Variants in SLC25A48 observed in about 807,000 individuals in gnomAD.
SLC25A48 encodes the protein solute carrier family 25 member 48, also known as CTC-321K16.1.
A neutral mutation model predicts 32.2 loss-of-function variants in SLC25A48; 29 were observed. The observed-to-expected ratio is 0.90, with a 90% CI of 0.67 to 1.23. The LOEUF (loss-of-function observed/expected upper bound fraction) is 1.23. Ranked by LOEUF, SLC25A48 falls within the 50% of genes most tolerant of loss-of-function variation. SLC25A48 has a pLI of 0.00. For synonymous variants in SLC25A48, 164 were observed against 172.3 expected, an observed-to-expected ratio of 0.95 and a Z score of 0.38; for missense variants, 399 against 422.7, an observed-to-expected ratio of 0.94 and a Z score of 0.49.
chr5:135,724,129 C>T (rs578086481), intron 3 of SLC25A48, among the ~76,000 whole-genome samples: 2 of 152,342 alleles, frequency 1.3e-5, no homozygotes, highest in East Asian at 1.9e-4. Flanking sequence ...TCAATTTGTT[C>T]TCCATTATCA....
upstream of SLC25A48, among the ~76,000 whole-genome samples, chr5:135,834,272 T>C (rs1303172239): frequency 6.6e-6 from 1 of 152,164 alleles, no homozygotes. Flanking sequence ...AGCTGAAAGT[T>C]AGACATGACC....
chr5:135,744,411 C>T (rs1755587826), intron 3 of SLC25A48, among the ~76,000 whole-genome samples: 1 of 148,954 alleles, frequency 6.7e-6, no homozygotes, highest in Non-Finnish European at 1.5e-5. Context: ...GGGGCAGTGG[C>T]ATGATCTCAG....
rs753558531 is a variant in SLC25A48, at chr5:135,733,884, G to A, written c.-520-78639G>A. Among the ~76,000 whole-genome samples the A allele has an allele frequency of 5.4e-4, 82 of 152,202 alleles. No individual in the cohort carries two copies. The Middle Eastern group carries it at 0.01, about 19-fold the overall frequency. On this transcript the variant is annotated intron_variant, in intron 3 of 10. Coordinates refer to the SLC25A48 transcript ENST00000646290. ...TAGGACAGAATGGGTTGTGGAGGGA[G>A]GTATTGAGGATAGAGGAGAGTATAT...
intron 3 of SLC25A48, among the ~76,000 whole-genome samples, chr5:135,683,197 A>G (rs1014788067): frequency 1.4e-4 from 21 of 152,340 alleles, no homozygotes; most frequent in Non-Finnish European, 2.6e-4. Context: ...TATTGGTTTA[A>G]TCAGTATTGA....
intron 5 of SLC25A48, 93 bp downstream of exon 5, chr5:135,871,811 G>A (rs1213558015): frequency 1.3e-6 from 2 of 1,571,820 alleles, no homozygotes; most frequent in Non-Finnish European, 1.7e-6. Flanking sequence ...CCCAGGGGGA[G>A]GGCAGGACAC....
chr5:135,755,243 A>AT, intron 3 of SLC25A48, among the ~76,000 whole-genome samples: 1 of 152,222 alleles, frequency 6.6e-6, no homozygotes, highest in Middle Eastern at 3.4e-3. Context: ...TATCACTCTG[A>AT]TACTTATAAT....
intron 3 of SLC25A48, among the ~76,000 whole-genome samples, chr5:135,705,832 TGTCCTGCTCCTGAGGG>T: frequency 6.6e-6 from 1 of 152,168 alleles, no homozygotes; most frequent in Non-Finnish European, 1.5e-5. Flanking sequence ...GTATCGGGGA[TGTCCTGCTCCTGAGGG>T]GTGGCTGGTC....
At chr5:135,850,644 C>G in intron 3 of SLC25A48, 148 bp downstream of exon 3, 1 of 693,932 alleles carries the variant, frequency 1.4e-6, no homozygotes, top group East Asian at 2.7e-5. Context: ...CATCTCACAC[C>G]ACACCTCAAA....
At chr5:135,762,323 G>A (rs934682771) in intron 3 of SLC25A48, among the ~76,000 whole-genome samples, 44 of 152,168 alleles carry the variant, frequency 2.9e-4, no homozygotes, top group African/African-American at 1.0e-3. Flanking sequence ...TGAAAATGGG[G>A]GTGAAGGGTG....
intron 1 of SLC25A48, among the ~76,000 whole-genome samples, chr5:135,582,176 G>A (rs2126869792): frequency 6.6e-6 from 1 of 152,312 alleles, no homozygotes; most frequent in Admixed American, 6.5e-5. Context: ...CCTTGAGGGA[G>A]TGGAAATTTT....
intron 3 of SLC25A48, among the ~76,000 whole-genome samples, chr5:135,768,198 C>A (rs1016693894): frequency 6.0e-5 from 8 of 134,186 alleles, no homozygotes; most frequent in Non-Finnish European, 3.2e-5. Context: ...GGAGTGTACA[C>A]CCCACTGTGA....
intron 3 of SLC25A48, among the ~76,000 whole-genome samples, chr5:135,696,669 C>G (rs1754273643): frequency 6.6e-6 from 1 of 152,210 alleles, no homozygotes; most frequent in African/African-American, 2.4e-5. Flanking sequence ...GGAGGAGACC[C>G]AACTGGGAAA....
At position 135,755,609 on chromosome 5, in the gene SLC25A48, G is replaced by A. The variant is rs151247824; in HGVS notation, c.-520-56914G>A. Among the ~76,000 whole-genome samples, 944 of 151,644 alleles carry A rather than the reference G, an allele frequency of 6.2e-3. 8 individuals carry two copies. Among genetic ancestry groups the A allele is most frequent in the African/African-American group, 0.022 (899 of 41,338 alleles). On this transcript the variant is annotated intron_variant, in intron 3 of 10. Transcript: ENST00000646290. ...GATATTTACCATATGTAGCGTCAAC[G>A]CACTATGGTATTAATGAAATATCGC...
chr5:135,652,469 G>T (rs1386283388), intron 3 of SLC25A48: 6 of 455,728 alleles, frequency 1.3e-5, no homozygotes, highest in Admixed American at 2.4e-5. Flanking sequence ...CCACTTCTCA[G>T]CAAAGAAAGT....
chr5:135,887,504 A>G (rs767046177), intron 7 of SLC25A48, among the ~76,000 whole-genome samples: 4 of 151,962 alleles, frequency 2.6e-5, no homozygotes, highest in African/African-American at 7.3e-5. Flanking sequence ...ATATGTGTGT[A>G]TATACATATC....
chr5:135,700,774 G>A (rs2126966074), intron 3 of SLC25A48, among the ~76,000 whole-genome samples: 1 of 152,318 alleles, frequency 6.6e-6, no homozygotes, highest in Non-Finnish European at 1.5e-5. Flanking sequence ...GCCTCTGCAT[G>A]GCTCCCCATG....
chr5:135,828,449 T>G (rs116660866), intron 4 of SLC25A48, among the ~76,000 whole-genome samples: 3,235 of 152,288 alleles, frequency 0.021, 110 homozygotes, highest in African/African-American at 0.073. Context: ...GATGTCCAGG[T>G]GCAGTGGATT....
In SLC25A48 at chr5:135,888,380, G is replaced by A; in HGVS notation, c.*356G>A. 3.2e-6 allele frequency: 1 copy of A among 310,236 alleles called. No homozygotes were observed. Among genetic ancestry groups the A allele is most frequent in the Non-Finnish European group, 6.1e-6 (1 of 163,712 alleles). 19.2% of individuals were successfully genotyped at this position (310,236 alleles called of 1,614,324 possible). On this transcript the variant is annotated 3_prime_UTR_variant, in exon 8 of 8. Coordinates refer to ENST00000681962, the MANE Select transcript of SLC25A48 (RefSeq NM_001349336.2). ...ACTCCTCTGTCTGAGGATGGGGAGG[G>A]GCCAGTGAGCTCTGGGCTCAGCCAC...
chr5:135,856,595 C>T (rs997457992), intron 4 of SLC25A48, among the ~76,000 whole-genome samples: 5 of 152,238 alleles, frequency 3.3e-5, no homozygotes, highest in Non-Finnish European at 5.9e-5. Context: ...TGCCCCAAGG[C>T]TCATGGCCAC....
Sources: allele counts gnomAD v4.1 joint callset (sites outside exome capture counted in the v4.1 genomes callset), GRCh38; gene constraint gnomAD v4.1.1; transcripts MANE v1.5; gene names NCBI Gene and HGNC (gene_info 2026-07-23, HGNC 2026-07-21).